Variants in SNTG1 observed in about 807,000 individuals in gnomAD.
SNTG1 encodes the protein gamma-1-syntrophin.
SNTG1 carries 39 observed loss-of-function variants against 74.7 expected under a neutral mutation model. The ratio of observed to expected loss-of-function variants is 0.52; its 90% confidence interval spans 0.40 to 0.68. The LOEUF (loss-of-function observed/expected upper bound fraction) is 0.68. Ranked by LOEUF, SNTG1 falls within the 30% of genes least tolerant of loss-of-function variation. The probability of loss-of-function intolerance (pLI) is 0.00; values close to 1 mark genes in which losing one functional copy is unlikely to be tolerated. For synonymous variants in SNTG1, 254 were observed against 217.1 expected (o/e 1.17, Z -1.49); for missense variants, 685 against 609.5 (o/e 1.12, Z -1.30).
intron 1 of SNTG1, among the ~76,000 whole-genome samples, chr8:50,126,788 A>C (rs186373011): frequency 2.0e-5 from 3 of 152,194 alleles, no homozygotes; most frequent in Admixed American, 2.0e-4. Context: ...AAGGCAGACA[A>C]AACAAAAGAA....
At chr8:50,367,779 A>G (rs1236643409) in intron 2 of SNTG1, among the ~76,000 whole-genome samples, 1 of 135,484 alleles carries the variant, frequency 7.4e-6, no homozygotes, top group Non-Finnish European at 1.7e-5. Context: ...TGTATTGTAT[A>G]CACACACACA....
chr8:50,489,137 A>G (rs1023590914), intron 8 of SNTG1, among the ~76,000 whole-genome samples: 6 of 152,174 alleles, frequency 3.9e-5, no homozygotes, highest in Non-Finnish European at 7.3e-5. Context: ...ATAGTATTCC[A>G]TGGTGTATAT....
intron 8 of SNTG1, among the ~76,000 whole-genome samples, chr8:50,462,983 AT>A (rs1046507822): frequency 6.6e-6 from 1 of 151,476 alleles, no homozygotes; most frequent in African/African-American, 2.4e-5. Context: ...CACCCAGCTA[AT>A]TTTTGTATTT....
Position 50,767,518 on chromosome 8 carries a change from C to T in SNTG1, c.1395+15407C>T, listed in dbSNP as rs140051585. 1.8e-4 allele frequency among the ~76,000 whole-genome samples: 28 copies of T among 152,090 alleles called. 1 individual carries two copies. The East Asian group carries it at 5.4e-3, about 30-fold the overall frequency. On this transcript the variant is annotated intron_variant, in intron 18 of 18. Transcript: ENST00000642720. The stretch of plus-strand genomic sequence containing the variant: ...TCAGAAAGCTTAATAAATTTCCCAT[C>T]TGTTTTCCAAAGCCTAATTAAACTT...
At chr8:50,366,734 TG>T (rs1234882302) in intron 2 of SNTG1, among the ~76,000 whole-genome samples, 4 of 146,548 alleles carry the variant, frequency 2.7e-5, no homozygotes, top group Non-Finnish European at 6.0e-5. Flanking sequence ...CATATATATG[TG>T]AATACATATA....
chr8:50,359,338 A>G (rs1391425360), intron 2 of SNTG1, among the ~76,000 whole-genome samples: 1 of 152,308 alleles, frequency 6.6e-6, no homozygotes, highest in East Asian at 1.9e-4. Flanking sequence ...ATTCACCAGC[A>G]TGTATTTGAC....
At position 50,172,591 on chromosome 8, in the gene SNTG1, G is replaced by A. The variant is rs140609789; in HGVS notation, c.-72G>A. The A allele has an allele frequency of 4.6e-5, 7 of 152,026 alleles. No homozygotes were observed. In the East Asian group the frequency reaches 1.4e-3, roughly 29 times the overall value. The allele number at this position is 152,026 out of a possible 1,614,324, so 9.4% of individuals were successfully genotyped here. A position where few individuals can be genotyped will look rare whatever the true frequency, so the allele number is the denominator to read the frequency against. ...TCTCCAGAATGTTGAGATTGCCCGA[G>A]AAGTGACCCCAGCAAAAGAAAAATA... On this transcript the variant is annotated 5_prime_UTR_variant, in exon 2 of 19. Transcript: ENST00000642720.
intron 4 of SNTG1, among the ~76,000 whole-genome samples, chr8:50,406,385 A>G (rs903036113): frequency 6.6e-6 from 1 of 152,066 alleles, no homozygotes; most frequent in African/African-American, 2.4e-5. Flanking sequence ...TTACATTTTG[A>G]TTTTGTATTC....
intron 13 of SNTG1, among the ~76,000 whole-genome samples, chr8:50,653,615 T>C (rs1221563956): frequency 1.3e-5 from 2 of 152,226 alleles, no homozygotes. Context: ...TATTTTTTTC[T>C]ATATGTTTAT....
At chr8:50,770,858 A>C (rs183576539) in intron 18 of SNTG1, among the ~76,000 whole-genome samples, 1 of 152,070 alleles carries the variant, frequency 6.6e-6, no homozygotes, top group Non-Finnish European at 1.5e-5. Flanking sequence ...CTCTCTCACC[A>C]TGTGGTCTCT....
chr8:49,981,197 A>G (rs775437389), intron 1 of SNTG1, among the ~76,000 whole-genome samples: 2 of 152,228 alleles, frequency 1.3e-5, no homozygotes, highest in African/African-American at 2.4e-5. Context: ...GAAGCAAACA[A>G]TAGTACCTGA....
At chr8:50,101,679 G>A (rs1170500874) in intron 1 of SNTG1, among the ~76,000 whole-genome samples, 1 of 151,908 alleles carries the variant, frequency 6.6e-6, no homozygotes, top group Non-Finnish European at 1.5e-5. Flanking sequence ...TTTAGCATTA[G>A]GTATATCTCC....
chr8:50,551,319 C>T (rs902464777), intron 11 of SNTG1, among the ~76,000 whole-genome samples: 2 of 152,002 alleles, frequency 1.3e-5, no homozygotes, highest in African/African-American at 4.8e-5. Context: ...ACTTATAAGC[C>T]TAGTTTCATA....
intron 13 of SNTG1, among the ~76,000 whole-genome samples, chr8:50,609,936 G>A (rs561233056): frequency 6.6e-6 from 1 of 152,052 alleles, no homozygotes; most frequent in Admixed American, 6.6e-5. Context: ...GTAAGTTTTT[G>A]TTTGCTAAAC....
At chr8:50,341,348 T>A (rs1424618634) in intron 2 of SNTG1, among the ~76,000 whole-genome samples, 1 of 151,952 alleles carries the variant, frequency 6.6e-6, no homozygotes, top group East Asian at 1.9e-4. Context: ...CTCTGCTTGT[T>A]CCACAAATGG....
intron 1 of SNTG1, among the ~76,000 whole-genome samples, chr8:50,018,357 C>T (rs1816523122): frequency 6.6e-6 from 1 of 151,980 alleles, no homozygotes; most frequent in African/African-American, 2.4e-5. Flanking sequence ...TTACACTCAA[C>T]TAATTTATGA....
chr8:50,117,670 T>G (rs142256774), intron 1 of SNTG1, among the ~76,000 whole-genome samples: 124 of 152,262 alleles, frequency 8.1e-4, no homozygotes, highest in African/African-American at 2.8e-3. Context: ...GAATTAGCTC[T>G]CACTATATTT....
chr8:50,430,499 A>G lies in SNTG1; in HGVS notation c.163-8044A>G, dbSNP rs144756107. Among the ~76,000 whole-genome samples, 317 of 152,338 alleles carry G rather than the reference A, an allele frequency of 2.1e-3. 5 individuals are homozygous for G. Among genetic ancestry groups the G allele is most frequent in the African/African-American group, 7.1e-3 (296 of 41,570 alleles). On this transcript the variant is annotated intron_variant, in intron 4 of 18. Transcript: ENST00000642720. ...ACTTGTTAAATTTCAATATACATGT[A>G]TAATAGTATTAGGATTGTTAACCTG...
chr8:50,301,354 C>G (rs527358043), intron 2 of SNTG1, among the ~76,000 whole-genome samples: 1 of 152,052 alleles, frequency 6.6e-6, no homozygotes, highest in South Asian at 2.1e-4. Context: ...ATACTATAAC[C>G]CTATAGCAAA....
Sources: allele counts gnomAD v4.1 joint callset (sites outside exome capture counted in the v4.1 genomes callset), GRCh38; gene constraint gnomAD v4.1.1; transcripts MANE v1.5; gene names NCBI Gene and HGNC (gene_info 2026-07-23, HGNC 2026-07-21).